The following CADPS variants were observed in gnomAD, a reference collection of about 807,000 sequenced individuals.
CADPS encodes calcium dependent secretion activator, also known as calcium-dependent secretion activator 1.
A neutral mutation model predicts 167.3 loss-of-function variants in CADPS; 57 were observed. The observed-to-expected ratio is 0.34, with a 90% CI of 0.28 to 0.42. The LOEUF is 0.42. Among genes scored for constraint, CADPS ranks in the 20% least tolerant of loss-of-function variants. CADPS has a pLI of 1.00. For synonymous variants in CADPS, 676 were observed against 635.3 expected (o/e 1.06, Z -0.96); for missense variants, 1,414 against 1,738.1 (o/e 0.81, Z 3.32).
chr3:62,807,263 CTTTT>C (rs1173087995), intron 1 of CADPS, among the ~76,000 whole-genome samples: 2 of 141,140 alleles, frequency 1.4e-5, no homozygotes, highest in Non-Finnish European at 3.1e-5. Flanking sequence ...ATCAAATTTC[CTTTT>C]TTTTTTTTTT....
At chr3:62,856,009 CAAT>C (rs1220409380) in intron 1 of CADPS, among the ~76,000 whole-genome samples, 1 of 152,020 alleles carries the variant, frequency 6.6e-6, no homozygotes, top group African/African-American at 2.4e-5. Context: ...TTTGTTTTCA[CAAT>C]AATATGTCAT....
chr3:62,745,586 T>C (rs2081282707), intron 3 of CADPS, among the ~76,000 whole-genome samples: 1 of 152,180 alleles, frequency 6.6e-6, no homozygotes, highest in Admixed American at 6.5e-5. Flanking sequence ...GGAAAGTTTA[T>C]GCCTGGAAGA....
At chr3:62,409,094 A>G (rs2048455803) in intron 28 of CADPS, among the ~76,000 whole-genome samples, 2 of 152,254 alleles carry the variant, frequency 1.3e-5, no homozygotes, top group Non-Finnish European at 2.9e-5. Flanking sequence ...ACTTGAACTC[A>G]AGATGTTGAT....
intron 7 of CADPS, among the ~76,000 whole-genome samples, chr3:62,589,243 T>C (rs1054894487): frequency 2.6e-5 from 4 of 152,216 alleles, no homozygotes; most frequent in Non-Finnish European, 5.9e-5. Context: ...GTGGCTTCAC[T>C]GCACTCTTAG....
chr3:62,559,476 T>G (rs971163568), intron 9 of CADPS, among the ~76,000 whole-genome samples: 1 of 152,060 alleles, frequency 6.6e-6, no homozygotes, highest in Non-Finnish European at 1.5e-5. Flanking sequence ...TCATAGATAC[T>G]GCTGGAACGG....
intron 26 of CADPS, among the ~76,000 whole-genome samples, chr3:62,450,754 A>C (rs970759959): frequency 6.6e-6 from 1 of 152,204 alleles, no homozygotes; most frequent in African/African-American, 2.4e-5. Flanking sequence ...TGAAACAAAG[A>C]ACATTTACTA....
intron 1 of CADPS, among the ~76,000 whole-genome samples, chr3:62,774,064 C>A (rs533899677): frequency 6.6e-6 from 1 of 151,678 alleles, no homozygotes; most frequent in Admixed American, 6.6e-5. Context: ...ATTGTCCCAA[C>A]CAACAATTAT....
At chr3:62,786,648 C>A (rs2092458858) in intron 1 of CADPS, among the ~76,000 whole-genome samples, 1 of 151,046 alleles carries the variant, frequency 6.6e-6, no homozygotes, top group African/African-American at 2.5e-5. Flanking sequence ...CTGTCCCTAC[C>A]AAACACACAC....
intron 6 of CADPS, among the ~76,000 whole-genome samples, chr3:62,593,018 G>C (rs1468899202): frequency 6.6e-6 from 1 of 152,212 alleles, no homozygotes; most frequent in African/African-American, 2.4e-5. Context: ...ATGTTGGTGA[G>C]AACTTGTTCC....
intron 5 of CADPS, 99 bp from the exon 6 acceptor site, chr3:62,645,942 C>T (rs2068457693): frequency 2.9e-6 from 4 of 1,368,492 alleles, no homozygotes; most frequent in Admixed American, 1.9e-5. Context: ...AGAAAACCAA[C>T]AGGTATCTGA....
intron 1 of CADPS, among the ~76,000 whole-genome samples, chr3:62,823,892 G>A (rs534900044): frequency 2.6e-4 from 39 of 152,200 alleles, no homozygotes; most frequent in African/African-American, 9.1e-4. Flanking sequence ...GACCTTAGGG[G>A]GCTGCAGGTT....
chr3:62,536,687 T>G (rs2074753765), intron 11 of CADPS, 106 bp from the exon 12 acceptor site: 3 of 1,143,546 alleles, frequency 2.6e-6, no homozygotes, highest in East Asian at 2.4e-5. Flanking sequence ...GAACGTTAGC[T>G]GTTTCCCCGT....
intron 8 of CADPS, among the ~76,000 whole-genome samples, chr3:62,574,897 T>C (rs1333744211): frequency 1.3e-5 from 2 of 152,176 alleles, no homozygotes; most frequent in Non-Finnish European, 2.9e-5. Context: ...ACAGAGAAAA[T>C]GTATCATTTT....
rs552586874 is a variant in CADPS, at chr3:62,874,335, G to T, written c.441+254C>A. On this transcript the variant is annotated intron_variant, in intron 1 of 29. Coordinates refer to ENST00000383710, the MANE Select transcript of CADPS (RefSeq NM_003716.4). The surrounding 1 kb of genome is among the most constrained non-coding windows in gnomAD (Gnocchi z 7.1). ...CTCGCTCACCAACGCTCCCGGGCTG[G>T]GGGGGCTCGAGCAAGCGGCGCTGCG... Among the ~76,000 whole-genome samples, 3 of 152,286 alleles carry T rather than the reference G, an allele frequency of 2.0e-5. No homozygotes were observed. In the East Asian group the frequency reaches 5.8e-4, roughly 30 times the overall value.
At chr3:62,845,955 G>GTGAT (rs2077356363) in intron 1 of CADPS, among the ~76,000 whole-genome samples, 3 of 152,140 alleles carry the variant, frequency 2.0e-5, no homozygotes, top group Admixed American at 6.5e-5. Flanking sequence ...CTAGTGGGAG[G>GTGAT]TGATTGGTTT....
At chr3:62,808,410 C>T (rs754915051) in intron 1 of CADPS, among the ~76,000 whole-genome samples, 1 of 152,058 alleles carries the variant, frequency 6.6e-6, no homozygotes, top group Non-Finnish European at 1.5e-5. Context: ...GTCTGGTTAC[C>T]TATTCTTAAA....
intron 28 of CADPS, among the ~76,000 whole-genome samples, chr3:62,424,724 C>A (rs1256497514): frequency 6.6e-6 from 1 of 152,176 alleles, no homozygotes; most frequent in Non-Finnish European, 1.5e-5. Context: ...CGATTCATTA[C>A]CCATTACATG....
At position 62,519,995 on chromosome 3, in the gene CADPS, A is replaced by G. The variant is rs1472327272; in HGVS notation, c.2292-1745T>C. 2.0e-5 allele frequency among the ~76,000 whole-genome samples: 3 copies of G among 152,308 alleles called. No homozygotes were observed. The East Asian group carries it at 5.8e-4, about 29-fold the overall frequency. On this transcript the variant is annotated intron_variant, in intron 13 of 29. Transcript: ENST00000383710. Reference sequence around the variant, plus strand: ...AACTGAACACACATTTGTTTATGTAATCAGCATGTGCATGCACACACTCAA... The same window carrying G: ...AACTGAACACACATTTGTTTATGTAGTCAGCATGTGCATGCACACACTCAA...
intron 1 of CADPS, among the ~76,000 whole-genome samples, chr3:62,872,275 C>G (rs1350963149): frequency 6.6e-6 from 1 of 152,160 alleles, no homozygotes; most frequent in Non-Finnish European, 1.5e-5. Flanking sequence ...TAATTACTCT[C>G]AATCATTGCT....
Sources: gnomAD v4.1 joint callset for allele counts (sites outside exome capture counted in the v4.1 genomes callset) on GRCh38, gnomAD v4.1.1 for gene constraint, Gnocchi (gnomAD v3.1) non-coding constraint, MANE v1.5 for transcripts, NCBI Gene and HGNC (gene_info 2026-07-23, HGNC 2026-07-21) for gene names.